The following PLCG2 variants were observed in gnomAD, a reference collection of about 807,000 sequenced individuals.
The protein encoded by PLCG2 is 1-phosphatidylinositol 4,5-bisphosphate phosphodiesterase gamma-2.
PLCG2 carries 69 observed loss-of-function variants against 175.6 expected under a neutral mutation model. The ratio of observed to expected loss-of-function variants is 0.39; its 90% CI spans 0.32 to 0.48. PLCG2 has a LOEUF of 0.48. Among genes scored for constraint, PLCG2 ranks in the 20% least tolerant of loss-of-function variants. The pLI is 0.91. For missense variants in PLCG2, 1,798 were observed against 1,650.9 expected (o/e 1.09, Z -1.54); for synonymous variants, 827 against 624.0 (o/e 1.33, Z -4.85).
intron 2 of PLCG2, among the ~76,000 whole-genome samples, chr16:81,844,265 T>C (rs1905994722): frequency 1.3e-5 from 2 of 151,554 alleles, no homozygotes; most frequent in South Asian, 4.2e-4. Flanking sequence ...AGTGCTGGGA[T>C]TACAGGCGTG....
chr16:81,944,301 A>G (rs1911066479), intron 30 of PLCG2, among the ~76,000 whole-genome samples: 1 of 152,252 alleles, frequency 6.6e-6, no homozygotes, highest in South Asian at 2.1e-4. Flanking sequence ...GGTTGAAAAT[A>G]TTTTTGAAAA....
chr16:81,815,770 G>C (rs4243214), intron 2 of PLCG2, among the ~76,000 whole-genome samples: 151,123 of 152,312 alleles, frequency 0.99, 74,971 homozygotes, highest in East Asian at 1. Flanking sequence ...TAATTGAGCA[G>C]TCTTAAATGA....
At chr16:81,868,935 C>T (rs1206488799) in intron 5 of PLCG2, among the ~76,000 whole-genome samples, 2 of 152,252 alleles carry the variant, frequency 1.3e-5, no homozygotes, top group Non-Finnish European at 2.9e-5. Context: ...TGTCCCTGGA[C>T]ATACCTGAAG....
intron 5 of PLCG2, among the ~76,000 whole-genome samples, chr16:81,861,156 C>T (rs755932965): frequency 6.6e-5 from 10 of 152,158 alleles, no homozygotes; most frequent in Non-Finnish European, 7.3e-5. Context: ...GTTAGCCTCA[C>T]GTGAGGCACC....
chr16:81,854,298 A>T, intron 2 of PLCG2, 146 bp from the exon 3 acceptor site: 1 of 712,422 alleles, frequency 1.4e-6, no homozygotes, highest in Non-Finnish European at 2.5e-6. Context: ...GAAGGAGGGG[A>T]CACTGAGTCC....
At chr16:81,880,992 C>T (rs372253185) in intron 8 of PLCG2, 39 bp downstream of exon 8, 54 of 1,603,738 alleles carry the variant, frequency 3.4e-5, no homozygotes, top group African/African-American at 2.5e-4. Flanking sequence ...GCGGCTGTGC[C>T]GGACCTCGGT....
intron 1 of PLCG2, among the ~76,000 whole-genome samples, chr16:81,781,050 C>CAAAG (rs780123325): frequency 7.3e-4 from 110 of 151,706 alleles, no homozygotes; most frequent in Non-Finnish European, 1.3e-3. Flanking sequence ...AACAAACAAA[C>CAAAG]ACACACAAAC....
rs142167125 is a variant in PLCG2 at position 81,826,622 on chromosome 16, A to C, written c.194-27822A>C. 1.3e-5 allele frequency among the ~76,000 whole-genome samples: 2 copies of C among 152,186 alleles called. 1 individual carries two copies. Among genetic ancestry groups the C allele is most frequent in the African/African-American group, 4.8e-5 (2 of 41,456 alleles). ...TTCTCTACAATACTCAGTGCTTCAA[A>C]TGGTGATAGCAGCAGCCACTCATTA... On this transcript the variant is annotated intron_variant, in intron 2 of 32. Transcript: ENST00000564138.
chr16:81,785,364 C>T lies in PLCG2; in HGVS notation c.-47-579C>T, dbSNP rs576563265. Among the ~76,000 whole-genome samples the T allele has an allele frequency of 2.4e-3, 369 of 152,304 alleles. 5 individuals are homozygous for T. The highest frequency in any genetic ancestry group is 3.7e-3 in the South Asian group (18 of 4,820). On this transcript the variant is annotated intron_variant, in intron 1 of 32. Coordinates refer to ENST00000564138, the MANE Select transcript of PLCG2 (RefSeq NM_002661.5). Reference sequence around the variant, plus strand: ...GAGCTACACAGTCAGCAGGAACCTTCTCTAGGGTTTGAACGTGAAGCTGCC... The same window carrying T: ...GAGCTACACAGTCAGCAGGAACCTTTTCTAGGGTTTGAACGTGAAGCTGCC...
chr16:81,747,725 T>TAAATCTATTATGAGGAA (rs1242089104), intron 1 of PLCG2, among the ~76,000 whole-genome samples: 1 of 152,080 alleles, frequency 6.6e-6, no homozygotes, highest in Admixed American at 6.6e-5. Flanking sequence ...ATGTTTAACC[T>TAAATCTATTATGAGGAA]AAATCTATTA....
At chr16:81,798,650 T>C (rs1911581451) in intron 2 of PLCG2, 1 of 152,384 alleles carries the variant, frequency 6.6e-6, no homozygotes, top group Non-Finnish European at 1.5e-5. Context: ...GCGTGAGTTT[T>C]GGGAGGTGAA....
intron 2 of PLCG2, among the ~76,000 whole-genome samples, chr16:81,812,253 G>A (rs1342148655): frequency 6.6e-6 from 1 of 151,926 alleles, no homozygotes; most frequent in Non-Finnish European, 1.5e-5. Flanking sequence ...GTTTCACCGT[G>A]TTAGCCAGGA....
At chr16:81,758,144 T>C (rs1909967201) in intron 2 of PLCG2, among the ~76,000 whole-genome samples, 1 of 152,040 alleles carries the variant, frequency 6.6e-6, no homozygotes, top group Admixed American at 6.6e-5. Context: ...CCTGGCTAGA[T>C]TTTTGTATTA....
Position 81,958,469 on chromosome 16 carries a change from T to C in PLCG2, c.*471T>C, listed in dbSNP as rs1363977286. On this transcript the variant is annotated 3_prime_UTR_variant, in exon 33 of 33. Coordinates refer to ENST00000564138, the MANE Select transcript of PLCG2 (RefSeq NM_002661.5). Reference sequence around the variant, plus strand: ...TTTAACTCAAAGGCAAATGATTCCATAAGGGCCCAAAGAGAAGCCCTACCC... The same window carrying C: ...TTTAACTCAAAGGCAAATGATTCCACAAGGGCCCAAAGAGAAGCCCTACCC... 4.2e-6 allele frequency: 1 copy of C among 239,312 alleles called. No individual in the cohort carries two copies. The highest frequency in any genetic ancestry group is 6.0e-5 in the East Asian group (1 of 16,738). The allele number at this position is 239,312 out of a possible 1,614,324, so 14.8% of individuals were successfully genotyped here. A position where few individuals can be genotyped will look rare whatever the true frequency, so the allele number is the denominator to read the frequency against.
At chr16:81,746,326 C>A (rs760778169) in intron 1 of PLCG2, among the ~76,000 whole-genome samples, 42 of 152,212 alleles carry the variant, frequency 2.8e-4, no homozygotes, top group Non-Finnish European at 5.9e-4. Flanking sequence ...TCGCCCCCAG[C>A]ACAGGTGGAG....
chr16:81,855,614 A>G (rs914279795), intron 3 of PLCG2, among the ~76,000 whole-genome samples: 1 of 152,226 alleles, frequency 6.6e-6, no homozygotes, highest in South Asian at 2.1e-4. Flanking sequence ...GCCGCCTTTA[A>G]GAAGCTCTCA....
At chr16:81,860,462 G>A (rs781103919) in intron 5 of PLCG2, among the ~76,000 whole-genome samples, 26 of 152,030 alleles carry the variant, frequency 1.7e-4, no homozygotes, top group Non-Finnish European at 3.5e-4. Context: ...GTTTGATAGC[G>A]AGAGGTAGCA....
intron 8 of PLCG2, among the ~76,000 whole-genome samples, chr16:81,882,347 G>A (rs1273155348): frequency 6.6e-6 from 1 of 152,082 alleles, no homozygotes; most frequent in Non-Finnish European, 1.5e-5. Context: ...GCTTGGTCCA[G>A]GGAAGTGTCT....
In PLCG2 at chr16:81,919,657, A is replaced by G. The variant is rs752539679; in HGVS notation, c.2228A>G (p.Tyr743Cys). The part of the protein sequence containing the change: ...YPVTPELLER[Y>C]NMERDINSLY... ...GTGACCCCCGAGCTCCTGGAGCGCT[A>G]CAATATGGTAGGTGGTGGACTCCCT... The change falls in exon 20 of 33, where the codon TAC becomes TGC. Residue 743 changes from tyrosine to cysteine, a missense_variant. Physicochemically the swap from Tyr to Cys is radical, Grantham distance 194. Coordinates refer to ENST00000564138, the MANE Select transcript of PLCG2 (RefSeq NM_002661.5). The G allele has an allele frequency of 6.2e-7, 1 of 1,612,652 alleles. No individual in the cohort carries two copies. Among genetic ancestry groups the G allele is most frequent in the South Asian group, 1.1e-5 (1 of 91,030 alleles).
Sources: gnomAD v4.1 joint callset for allele counts (sites outside exome capture counted in the v4.1 genomes callset) on GRCh38, gnomAD v4.1.1 for gene constraint, MANE v1.5 for transcripts, NCBI Gene and HGNC (gene_info 2026-07-23, HGNC 2026-07-21) for gene names.